Variants in TBC1D4 observed in about 807,000 individuals in gnomAD.
TBC1D4 encodes TBC1 domain family member 4, also known as TBC (Tre-2, BUB2, CDC16) domain-containing protein.
In TBC1D4, 121 loss-of-function variants were observed where a neutral mutation model predicts 142.5. That is an observed-to-expected ratio of 0.85 (90% CI 0.73 to 0.99). The LOEUF (loss-of-function observed/expected upper bound fraction) is 0.99. TBC1D4 is among the 50% of genes least tolerant of loss of function. The pLI is 0.00. For synonymous variants in TBC1D4, 630 were observed against 628.2 expected (o/e 1.00, Z -0.04); for missense variants, 1,475 against 1,606.6 (o/e 0.92, Z 1.40).
At position 75,310,467 on chromosome 13, in the gene TBC1D4, G is replaced by A. The variant is rs998990556; in HGVS notation, c.2384-316C>T. Among the ~76,000 whole-genome samples, 5 of 151,978 alleles carry A rather than the reference G, an allele frequency of 3.3e-5. No homozygotes were observed. The East Asian group carries it at 7.7e-4, about 23-fold the overall frequency. ...TCCAACACTTCTGCAATTTACTTAC[G>A]TATATTCTCTGGCTGTGAGGAACGA... On this transcript the variant is annotated intron_variant, in intron 13 of 20. Coordinates refer to ENST00000377636, the MANE Select transcript of TBC1D4 (RefSeq NM_014832.5).
At chr13:75,458,818 C>G (rs547962318) in intron 1 of TBC1D4, among the ~76,000 whole-genome samples, 25 of 152,176 alleles carry the variant, frequency 1.6e-4, no homozygotes, top group African/African-American at 6.0e-4. Context: ...GTGAGAAAGG[C>G]AAGTCAAGCC....
chr13:75,304,545 A>T (rs493528), intron 15 of TBC1D4, among the ~76,000 whole-genome samples: 29,556 of 152,096 alleles, frequency 0.19, 4,221 homozygotes, highest in African/African-American at 0.4. Context: ...TAAGTATAAT[A>T]AATCACGAAA....
rs182574702 is a variant in TBC1D4, at chr13:75,475,160, A to C, written c.498+6110T>G. On this transcript the variant is annotated intron_variant, in intron 1 of 20. Transcript: ENST00000377636. ...CAGTGCAATGTCAACATACCATATTACATACCATATTCCAACCTTAAAGTA... is the reference window on the plus strand; with the variant it reads ...CAGTGCAATGTCAACATACCATATTCCATACCATATTCCAACCTTAAAGTA... Among the ~76,000 whole-genome samples the C allele has an allele frequency of 3.3e-3, 498 of 152,300 alleles. 7 individuals are homozygous for C. Among genetic ancestry groups the C allele is most frequent in the African/African-American group, 0.012 (481 of 41,564 alleles).
At chr13:75,470,271 T>G (rs1888345557) in intron 1 of TBC1D4, among the ~76,000 whole-genome samples, 1 of 152,110 alleles carries the variant, frequency 6.6e-6, no homozygotes, top group African/African-American at 2.4e-5. Context: ...ACATAAACAA[T>G]ATATGAACAA....
At chr13:75,349,325 G>C (rs1881418676) in intron 4 of TBC1D4, 23 bp from the exon 5 acceptor site, 1 of 1,613,154 alleles carries the variant, frequency 6.2e-7, no homozygotes. Flanking sequence ...ACAAAACTCA[G>C]GTCTATAAAA....
intron 1 of TBC1D4, among the ~76,000 whole-genome samples, chr13:75,450,635 A>G (rs1331859727): frequency 1.3e-5 from 2 of 152,198 alleles, no homozygotes; most frequent in African/African-American, 4.8e-5. Flanking sequence ...AGGTAAGCCC[A>G]CCAGAACCTA....
chr13:75,302,509 C>A, intron 15 of TBC1D4, 108 bp from the exon 16 acceptor site: 1 of 1,257,062 alleles, frequency 8.0e-7, no homozygotes. Flanking sequence ...GTATGTACTG[C>A]ATGCCACCCT....
At chr13:75,422,511 T>A (rs1414774960) in intron 1 of TBC1D4, among the ~76,000 whole-genome samples, 5 of 152,236 alleles carry the variant, frequency 3.3e-5, no homozygotes, top group Admixed American at 1.3e-4. Flanking sequence ...GAAATTCATT[T>A]TAAAATATTG....
At position 75,326,444 on chromosome 13, in the gene TBC1D4, A is replaced by G. The variant is rs766537928; in HGVS notation, c.1807-21T>C. 8.1e-6 allele frequency: 13 copies of G among 1,613,288 alleles called. No homozygotes were observed. In the Admixed American group the frequency reaches 2.2e-4, roughly 27 times the overall value. On this transcript the variant is annotated intron_variant, in intron 9 of 20. Transcript: ENST00000377636. ...TAGTCCTGAAACACAAGCGGAAGGG[A>G]GCCCTTTATTTCCCACGTGGGTCAT...
intron 17 of TBC1D4, among the ~76,000 whole-genome samples, chr13:75,296,888 C>T (rs1246378140): frequency 6.6e-6 from 1 of 152,120 alleles, no homozygotes; most frequent in Non-Finnish European, 1.5e-5. Context: ...ACACATTTTA[C>T]AGATAAGGTA....
chr13:75,331,291 C>T (rs1035126350), intron 8 of TBC1D4, among the ~76,000 whole-genome samples: 4 of 151,816 alleles, frequency 2.6e-5, no homozygotes, highest in East Asian at 1.9e-4. Context: ...CCCAGGAGTT[C>T]GAGACCAGCC....
chr13:75,401,534 C>T (rs4883996), intron 1 of TBC1D4, among the ~76,000 whole-genome samples: 151,332 of 152,364 alleles, frequency 0.99, 75,163 homozygotes, highest in Middle Eastern at 1. Context: ...AACAGCACAA[C>T]CTATTCTTTC....
intron 2 of TBC1D4, 79 bp downstream of exon 2, chr13:75,361,947 G>A: frequency 6.7e-7 from 1 of 1,491,418 alleles, no homozygotes; most frequent in Non-Finnish European, 9.3e-7. Context: ...TAGAGGTGGA[G>A]CTGGGAGGAA....
intron 1 of TBC1D4, among the ~76,000 whole-genome samples, chr13:75,417,579 C>G (rs1165639840): frequency 2.0e-5 from 3 of 152,108 alleles, no homozygotes; most frequent in Non-Finnish European, 4.4e-5. Context: ...TAATTAAGGA[C>G]CTTCATCATG....
chr13:75,321,065 TG>T (rs1428488111), intron 11 of TBC1D4, among the ~76,000 whole-genome samples: 10 of 151,642 alleles, frequency 6.6e-5, no homozygotes, highest in African/African-American at 2.4e-4. Context: ...GTAATGGTAT[TG>T]TTAGCGTATC....
intron 1 of TBC1D4, among the ~76,000 whole-genome samples, chr13:75,449,112 AAC>A (rs1158891746): frequency 2.6e-5 from 4 of 152,016 alleles, no homozygotes; most frequent in East Asian, 1.9e-4. Flanking sequence ...ACCTAATATT[AAC>A]ACATATAATA....
At chr13:75,359,689 G>A (rs1222628829) in intron 3 of TBC1D4, 80 bp downstream of exon 3, 14 of 1,106,704 alleles carry the variant, frequency 1.3e-5, no homozygotes, top group African/African-American at 4.7e-5. Flanking sequence ...AATTTGAAGG[G>A]GGTCAAGCCC....
intron 1 of TBC1D4, among the ~76,000 whole-genome samples, chr13:75,456,422 G>A (rs79756265): frequency 0.013 from 1,927 of 152,170 alleles, 26 homozygotes; most frequent in Non-Finnish European, 0.02. Flanking sequence ...TCTGAAAAAG[G>A]ACACATATCC....
At chr13:75,447,733 G>A (rs1156454649) in intron 1 of TBC1D4, among the ~76,000 whole-genome samples, 1 of 152,030 alleles carries the variant, frequency 6.6e-6, no homozygotes. Flanking sequence ...TCACATTACT[G>A]CCTGAGCTCT....
Sources: gnomAD v4.1 joint callset for allele counts (sites outside exome capture counted in the v4.1 genomes callset) on GRCh38, gnomAD v4.1.1 for gene constraint, MANE v1.5 for transcripts, NCBI Gene and HGNC (gene_info 2026-07-23, HGNC 2026-07-21) for gene names.